SLC24A2: variants seen among roughly 807,000 people sequenced by gnomAD.
The protein encoded by SLC24A2 is sodium/potassium/calcium exchanger 2.
In SLC24A2, 36 loss-of-function variants were observed where a neutral mutation model predicts 62.0. That is an observed-to-expected ratio of 0.58 (90% CI 0.44 to 0.77). SLC24A2 has a LOEUF of 0.77. SLC24A2 is among the 30% of genes least tolerant of loss of function. SLC24A2 has a pLI of 0.00. For missense variants in SLC24A2, 846 were observed against 817.9 expected, an observed-to-expected ratio of 1.03 and a Z score of -0.42; for synonymous variants, 358 against 294.0, an observed-to-expected ratio of 1.22 and a Z score of -2.23.
At chr9:20,052,764 T>C in the SLC24A2 span, among the ~76,000 whole-genome samples, 1 of 152,230 alleles carries the variant, frequency 6.6e-6, no homozygotes, top group East Asian at 1.9e-4. Context: ...TTTGGAAATG[T>C]AGACTCTTAT....
chr9:19,681,356 C>T (rs998314839), intron 2 of SLC24A2, among the ~76,000 whole-genome samples: 2 of 152,190 alleles, frequency 1.3e-5, no homozygotes, highest in Non-Finnish European at 2.9e-5. Flanking sequence ...ATTGCAACCT[C>T]TCTGCACCGC....
At chr9:19,931,362 C>T in the SLC24A2 span, among the ~76,000 whole-genome samples, 8 of 152,102 alleles carry the variant, frequency 5.3e-5, no homozygotes, top group Admixed American at 1.3e-4. Context: ...AGATTTTTTT[C>T]ACAATAACCA....
intron 4 of SLC24A2, among the ~76,000 whole-genome samples, chr9:19,602,272 T>C (rs968205237): frequency 2.6e-5 from 4 of 152,222 alleles, no homozygotes; most frequent in Non-Finnish European, 4.4e-5. Flanking sequence ...CTCAAGCTCA[T>C]ACATATAGAA....
intron 2 of SLC24A2, among the ~76,000 whole-genome samples, chr9:19,711,038 T>C (rs367778818): frequency 1.3e-5 from 2 of 152,220 alleles, no homozygotes; most frequent in African/African-American, 2.4e-5. Flanking sequence ...AACCCAGTAG[T>C]AGCAGAAAAA....
At chr9:20,229,329 G>C in the SLC24A2 span, among the ~76,000 whole-genome samples, 1 of 152,058 alleles carries the variant, frequency 6.6e-6, no homozygotes, top group Non-Finnish European at 1.5e-5. Context: ...CTCTATATAA[G>C]GAAAGTATGG....
intron 8 of SLC24A2, among the ~76,000 whole-genome samples, chr9:19,532,090 A>G (rs771650718): frequency 1.1e-4 from 17 of 151,826 alleles, no homozygotes; most frequent in Non-Finnish European, 2.4e-4. Flanking sequence ...TTATTTATTT[A>G]TTTGTTTGTT....
At chr9:19,699,292 AAAG>A (rs1203052229) in intron 2 of SLC24A2, among the ~76,000 whole-genome samples, 2 of 152,194 alleles carry the variant, frequency 1.3e-5, no homozygotes, top group South Asian at 2.1e-4. Context: ...ATGCAAATTC[AAAG>A]AAGAATTTGT....
chr9:20,278,212 T>C, the SLC24A2 span, among the ~76,000 whole-genome samples: 1 of 152,130 alleles, frequency 6.6e-6, no homozygotes, highest in African/African-American at 2.4e-5. Flanking sequence ...TGTGCACATG[T>C]ACCCTAGAAC....
chr9:19,557,754 T>TG (rs201303870), intron 7 of SLC24A2, among the ~76,000 whole-genome samples: 8,570 of 152,006 alleles, frequency 0.056, 796 homozygotes, highest in African/African-American at 0.2. Context: ...TTGACTTTTT[T>TG]TTTTTTTATA....
At chr9:19,519,701 A>G (rs10757068) in intron 10 of SLC24A2, among the ~76,000 whole-genome samples, 98,229 of 151,998 alleles carry the variant, frequency 0.65, 32,205 homozygotes, top group East Asian at 0.94. Context: ...AGTAAGATGT[A>G]CAGACAGTTT....
chr9:19,858,540 T>C, the SLC24A2 span, among the ~76,000 whole-genome samples: 1 of 152,146 alleles, frequency 6.6e-6, no homozygotes, highest in Non-Finnish European at 1.5e-5. Flanking sequence ...CAAAATAAAC[T>C]GTCAACTGAA....
Position 19,515,963 on chromosome 9 carries a change from A to G in SLC24A2, c.*190T>C. On this transcript the variant is annotated 3_prime_UTR_variant, in exon 11 of 11. Coordinates refer to ENST00000341998, the MANE Select transcript of SLC24A2 (RefSeq NM_020344.4). ...GTCTTTTACATGAAGTCATTTCAGTAGGCAGGGTGGAAGCAGCCTGTGAAG... is the reference window on the plus strand; with the variant it reads ...GTCTTTTACATGAAGTCATTTCAGTGGGCAGGGTGGAAGCAGCCTGTGAAG... 1 of 711,648 alleles carries G rather than the reference A, an allele frequency of 1.4e-6. No individual in the cohort carries two copies. Among genetic ancestry groups the G allele is most frequent in the Non-Finnish European group, 2.5e-6 (1 of 404,940 alleles). The allele number at this position is 711,648 out of a possible 1,614,324, so 44.1% of individuals were successfully genotyped here.
At chr9:20,061,017 T>A in the SLC24A2 span, among the ~76,000 whole-genome samples, 3 of 152,058 alleles carry the variant, frequency 2.0e-5, no homozygotes, top group Non-Finnish European at 4.4e-5. Context: ...CTACAAGGCG[T>A]TGCTGAAAGT....
intron 2 of SLC24A2, among the ~76,000 whole-genome samples, chr9:19,777,588 G>T (rs142401741): frequency 5.3e-5 from 8 of 151,950 alleles, no homozygotes; most frequent in Non-Finnish European, 8.8e-5. Context: ...TGGGGAAAAG[G>T]CTCCATAATA....
chr9:20,026,629 T>C, the SLC24A2 span, among the ~76,000 whole-genome samples: 1 of 152,126 alleles, frequency 6.6e-6, no homozygotes. Flanking sequence ...ACATGCCGAA[T>C]AATGAAATCA....
At chr9:20,150,884 G>A in the SLC24A2 span, among the ~76,000 whole-genome samples, 1 of 151,800 alleles carries the variant, frequency 6.6e-6, no homozygotes, top group Non-Finnish European at 1.5e-5. Flanking sequence ...AAAACACACT[G>A]AAACATAAAC....
the SLC24A2 span, among the ~76,000 whole-genome samples, chr9:20,210,984 G>A: frequency 2.0e-5 from 3 of 151,938 alleles, no homozygotes; most frequent in East Asian, 1.9e-4. Flanking sequence ...ACTGTGTTCC[G>A]GAATAGGCAG....
At chr9:20,042,335 G>A in the SLC24A2 span, among the ~76,000 whole-genome samples, 1 of 152,212 alleles carries the variant, frequency 6.6e-6, no homozygotes, top group Non-Finnish European at 1.5e-5. Flanking sequence ...CACCCCTGAG[G>A]AACTCTGGAA....
At chr9:19,757,896 G>C (rs146906691) in intron 2 of SLC24A2, among the ~76,000 whole-genome samples, 5 of 152,180 alleles carry the variant, frequency 3.3e-5, no homozygotes, top group Middle Eastern at 3.4e-3. Flanking sequence ...TCCCTCTAGA[G>C]TGGGTTGTTA....
Sources: gnomAD v4.1 joint callset for allele counts (sites outside exome capture counted in the v4.1 genomes callset) on GRCh38, gnomAD v4.1.1 for gene constraint, MANE v1.5 for transcripts, NCBI Gene and HGNC (gene_info 2026-07-23, HGNC 2026-07-21) for gene names.